The following COPB1 variants were observed in gnomAD, a reference collection of about 807,000 sequenced individuals.
COPB1 encodes the protein coat protein complex I subunit beta 1, also known as coatomer subunit beta.
In COPB1, 21 loss-of-function variants were observed where a neutral mutation model predicts 108.7. The observed-to-expected ratio is 0.19, with a 90% confidence interval of 0.14 to 0.28. The LOEUF (loss-of-function observed/expected upper bound fraction) is 0.28. COPB1 is among the 10% of genes least tolerant of loss of function. The probability of loss-of-function intolerance (pLI) is 1.00; values close to 1 mark genes in which losing one functional copy is unlikely to be tolerated. For synonymous variants in COPB1, 378 were observed against 386.8 expected, an observed-to-expected ratio of 0.98 and a Z score of 0.27; for missense variants, 919 against 1,141.3, an observed-to-expected ratio of 0.81 and a Z score of 2.81.
Position 14,472,084 on chromosome 11 carries a change from T to A in COPB1, c.1737+2411A>T, listed in dbSNP as rs530809488. Among the ~76,000 whole-genome samples, 6 of 152,318 alleles carry A rather than the reference T, an allele frequency of 3.9e-5. No homozygotes were observed. In the South Asian group the frequency reaches 8.3e-4, roughly 21 times the overall value. On this transcript the variant is annotated intron_variant, in intron 14 of 21. Coordinates refer to ENST00000439561, the MANE Select transcript of COPB1 (RefSeq NM_001144061.2). ...GGAGTCCCATTGCTACAGGCCCAAT[T>A]TGAATGTCAGAAATTGCTGTGGTAG... is the stretch of plus-strand genomic sequence containing the variant.
intron 18 of COPB1, 135 bp from the exon 19 acceptor site, chr11:14,461,466 TC>T: frequency 1.2e-6 from 1 of 828,206 alleles, no homozygotes; most frequent in East Asian, 2.7e-5. Context: ...TGTACAGAGC[TC>T]TATTCTACAT....
At chr11:14,462,646 T>TC (rs1850185184) in intron 18 of COPB1, among the ~76,000 whole-genome samples, 4 of 151,930 alleles carry the variant, frequency 2.6e-5, no homozygotes, top group African/African-American at 9.7e-5. Context: ...CTCTCTCTCT[T>TC]GGAATTCACT....
intron 17 of COPB1, 114 bp from the exon 18 acceptor site, chr11:14,465,144 A>G: frequency 7.6e-7 from 1 of 1,316,154 alleles, no homozygotes; most frequent in Non-Finnish European, 1.0e-6. Flanking sequence ...GCAGCTTAAT[A>G]GTTTCTAGGA....
At chr11:14,459,897 A>G (rs1440601151) in intron 20 of COPB1, 1 of 178,334 alleles carries the variant, frequency 5.6e-6, no homozygotes, top group African/African-American at 2.4e-5. Flanking sequence ...GATCACAGGA[A>G]TGAACCACCA....
intron 4 of COPB1, among the ~76,000 whole-genome samples, chr11:14,492,429 T>C (rs1024074693): frequency 5.3e-5 from 8 of 152,230 alleles, no homozygotes; most frequent in Non-Finnish European, 1.2e-4. Context: ...TCGCAACCTC[T>C]GCCTCCCAGG....
intron 15 of COPB1, 79 bp downstream of exon 15, chr11:14,469,257 A>G (rs1850353147): frequency 8.2e-7 from 1 of 1,218,872 alleles, no homozygotes; most frequent in African/African-American, 1.5e-5. Context: ...TCAGCCTCCC[A>G]AAGTGCTGGG....
chr11:14,477,034 T>C lies in COPB1; in HGVS notation c.1359-19A>G, dbSNP rs1850535617. ...GTAAATCCTAGCACAATACAAGATC[T>C]GAAACATGAACTTGGCAGACAAATC... is the stretch of plus-strand genomic sequence containing the variant. On this transcript the variant is annotated intron_variant, in intron 11 of 21. Transcript: ENST00000439561. 2.0e-6 allele frequency: 3 copies of C among 1,468,488 alleles called. No homozygotes were observed. The highest frequency in any genetic ancestry group is 1.7e-5 in the Admixed American group (1 of 58,726). 91.0% of individuals were successfully genotyped at this position (1,468,488 alleles called of 1,614,324 possible).
chr11:14,469,949 A>AT (rs1488033996), intron 14 of COPB1, among the ~76,000 whole-genome samples: 1 of 151,896 alleles, frequency 6.6e-6, no homozygotes, highest in Non-Finnish European at 1.5e-5. Flanking sequence ...ATGTACACTT[A>AT]TTTTTTTTGG....
intron 16 of COPB1, among the ~76,000 whole-genome samples, chr11:14,466,807 A>T (rs1320077650): frequency 6.6e-6 from 1 of 152,202 alleles, no homozygotes; most frequent in African/African-American, 2.4e-5. Flanking sequence ...CTCAGTAAGT[A>T]TCTAAACTCA....
chr11:14,471,432 A>C (rs2134103370), intron 14 of COPB1, among the ~76,000 whole-genome samples: 2 of 152,318 alleles, frequency 1.3e-5, no homozygotes, highest in South Asian at 4.1e-4. Context: ...CTCTGAGATA[A>C]AAAAATGTTG....
intron 16 of COPB1, 64 bp from the exon 17 acceptor site, chr11:14,466,490 C>A: frequency 2.0e-6 from 3 of 1,511,374 alleles, no homozygotes; most frequent in Non-Finnish European, 2.7e-6. Flanking sequence ...CATACCCTGG[C>A]CAAATGATTA....
chr11:14,460,233 T>C lies in COPB1; in HGVS notation c.2621A>G (p.Asn874Ser), dbSNP rs762475541. ...DYLQHILKSTNMKCLTPEKAL... is the reference protein window; with the variant it reads ...DYLQHILKSTSMKCLTPEKAL... ...CTTTTCTGGAGTCAGGCATTTCATA[T>C]TGGTTGACTTTAATATGTGCTGTAA... Residue 874 changes from asparagine to serine, a missense_variant, in exon 20 of 22, where the codon AAT (asparagine) becomes AGT (serine). Asn to Ser is a conservative substitution (Grantham distance 46). Around this residue, in one of 5 missense-constraint regions of COPB1, gnomAD observed 705 missense variants for 817.8 expected, o/e 0.86. Transcript: ENST00000439561. 10 of 1,611,530 alleles carry C rather than the reference T, an allele frequency of 6.2e-6. No individual in the cohort carries two copies. Among genetic ancestry groups the C allele is most frequent in the Admixed American group, 3.3e-5 (2 of 59,918 alleles).
chr11:14,458,072 A>G (rs1850066419), intron 21 of COPB1, among the ~76,000 whole-genome samples, 189 bp from the exon 22 acceptor site: 1 of 125,398 alleles, frequency 8.0e-6, no homozygotes, highest in Non-Finnish European at 1.6e-5. Context: ...AGCCGTCACC[A>G]GATTTTTTTT....
At chr11:14,489,305 A>T (rs2597190) in intron 5 of COPB1, among the ~76,000 whole-genome samples, 1 of 152,050 alleles carries the variant, frequency 6.6e-6, no homozygotes, top group African/African-American at 2.4e-5. Flanking sequence ...CTGCTGTGCA[A>T]AACAGTATGG....
intron 14 of COPB1, among the ~76,000 whole-genome samples, chr11:14,471,034 A>G (rs1335802683): frequency 6.6e-6 from 1 of 152,012 alleles, no homozygotes; most frequent in African/African-American, 2.4e-5. Flanking sequence ...CTTTTACACT[A>G]CTGGGAAAAA....
intron 6 of COPB1, among the ~76,000 whole-genome samples, chr11:14,487,259 AC>A (rs2134121230): frequency 6.6e-6 from 1 of 152,344 alleles, no homozygotes; most frequent in Admixed American, 6.5e-5. Flanking sequence ...AAACTCTATT[AC>A]ATGGACATGA....
chr11:14,483,031 C>A lies in COPB1; in HGVS notation c.957+1G>T, dbSNP rs1850695885. On this transcript the variant is annotated splice_donor_variant, in intron 8 of 21. Coordinates refer to ENST00000439561, the MANE Select transcript of COPB1 (RefSeq NM_001144061.2). LOFTEE classifies it high-confidence loss of function. ...ATCTCTCTTTTTCAGATAACACTTA[C>A]CTGTAGTACTCGTTCATGAGCAGGA... The A allele has an allele frequency of 1.9e-6, 3 of 1,556,594 alleles. No individual in the cohort carries two copies. Among genetic ancestry groups the A allele is most frequent in the Non-Finnish European group, 2.6e-6 (3 of 1,139,720 alleles).
At chr11:14,498,776 TGA>T in intron 2 of COPB1, 60 bp downstream of exon 2, 2 of 1,305,864 alleles carry the variant, frequency 1.5e-6, no homozygotes, top group East Asian at 2.5e-5. Context: ...ATATGAAATA[TGA>T]GTTTTTTATT....
intron 6 of COPB1, among the ~76,000 whole-genome samples, chr11:14,487,798 G>A (rs1850809533): frequency 6.6e-6 from 1 of 152,092 alleles, no homozygotes; most frequent in African/African-American, 2.4e-5. Context: ...TCTTACAGAA[G>A]CAAGACAGCT....
Sources: allele counts gnomAD v4.1 joint callset (sites outside exome capture counted in the v4.1 genomes callset), GRCh38; gene constraint gnomAD v4.1.1; regional missense constraint gnomAD v4.1.1; transcripts MANE v1.5; gene names NCBI Gene and HGNC (gene_info 2026-07-23, HGNC 2026-07-21).